The following CAMK2A variants were observed in gnomAD, a reference collection of about 807,000 sequenced individuals.
The protein encoded by CAMK2A is calcium/calmodulin dependent protein kinase II alpha.
CAMK2A carries 7 observed loss-of-function variants against 79.2 expected under a neutral mutation model. That is an observed-to-expected ratio of 0.09 (90% CI 0.05 to 0.17). The LOEUF (loss-of-function observed/expected upper bound fraction) is 0.17. CAMK2A is among the 10% of genes least tolerant of loss of function. CAMK2A has a pLI of 1.00. For missense variants in CAMK2A, 214 were observed against 646.4 expected, an observed-to-expected ratio of 0.33 and a Z score of 7.25; for synonymous variants, 242 against 251.7, an observed-to-expected ratio of 0.96 and a Z score of 0.36.
At chr5:150,242,085 G>C (rs1204053532) in intron 13 of CAMK2A, among the ~76,000 whole-genome samples, 1 of 152,252 alleles carries the variant, frequency 6.6e-6, no homozygotes, top group Admixed American at 6.5e-5. Flanking sequence ...AACAGGGGCA[G>C]TGAGTGGGGC....
chr5:150,223,683 T>C lies in CAMK2A; in HGVS notation c.1238-466A>G, dbSNP rs1234208862. On this transcript the variant is annotated intron_variant, in intron 17 of 18. Transcript: ENST00000671881. The surrounding 1 kb of genome is among the most constrained non-coding windows in gnomAD (Gnocchi z 4.1). ...AGGGAGTGATGGGGACTGTGGCGAATAGAATGTCTTGTCCCACCTAAAGAG... is the reference window on the plus strand; with the variant it reads ...AGGGAGTGATGGGGACTGTGGCGAACAGAATGTCTTGTCCCACCTAAAGAG... Among the ~76,000 whole-genome samples the C allele has an allele frequency of 1.3e-5, 2 of 152,174 alleles. No individual in the cohort carries two copies.
intron 1 of CAMK2A, among the ~76,000 whole-genome samples, chr5:150,278,114 T>C (rs1757030654): frequency 1.3e-5 from 2 of 152,156 alleles, no homozygotes; most frequent in Non-Finnish European, 2.9e-5. Flanking sequence ...AGGGCAATAA[T>C]AGCCTCTACC....
intron 2 of CAMK2A, among the ~76,000 whole-genome samples, chr5:150,268,468 T>C (rs575950809): frequency 2.7e-4 from 41 of 152,314 alleles, no homozygotes; most frequent in African/African-American, 9.9e-4. Flanking sequence ...GGCTGCCTTT[T>C]CTAAGCATGT....
At chr5:150,230,387 A>C (rs1754792185) in intron 16 of CAMK2A, among the ~76,000 whole-genome samples, 1 of 152,090 alleles carries the variant, frequency 6.6e-6, no homozygotes, top group African/African-American at 2.4e-5. Context: ...TTTGAGAGGC[A>C]AACTTCAGCT....
At chr5:150,269,350 C>T (rs1040915762) in intron 2 of CAMK2A, among the ~76,000 whole-genome samples, 1 of 151,986 alleles carries the variant, frequency 6.6e-6, no homozygotes, top group Non-Finnish European at 1.5e-5. Context: ...CCAGACAGTC[C>T]CAGCAGGGTG....
chr5:150,224,590 C>T (rs776081430), intron 17 of CAMK2A, among the ~76,000 whole-genome samples: 5 of 152,094 alleles, frequency 3.3e-5, no homozygotes, highest in Non-Finnish European at 7.4e-5. Context: ...AAGTCTTAGG[C>T]ACCATAGAAT....
At chr5:150,245,060 C>A (rs1580915216) in intron 13 of CAMK2A, 101 bp downstream of exon 13, 2 of 1,196,864 alleles carry the variant, frequency 1.7e-6, no homozygotes, top group East Asian at 4.7e-5. Flanking sequence ...GCCCAGGACA[C>A]CATCAGCAAG....
intron 3 of CAMK2A, among the ~76,000 whole-genome samples, chr5:150,257,869 C>T (rs1408957508): frequency 1.3e-5 from 2 of 152,194 alleles, no homozygotes; most frequent in Admixed American, 6.5e-5. Context: ...CAGAGTTTAG[C>T]GCCCTCCCCT....
At position 150,222,428 on chromosome 5, in the gene CAMK2A, G is replaced by A. The variant is rs1754360349; in HGVS notation, c.*282C>T. The A allele has an allele frequency of 2.9e-6, 2 of 686,278 alleles. No homozygotes were observed. The highest frequency in any genetic ancestry group is 5.3e-6 in the Non-Finnish European group (2 of 376,218). The allele number at this position is 686,278 out of a possible 1,614,324, so 42.5% of individuals were successfully genotyped here. Reference sequence around the variant, plus strand: ...GATCAGGCGGACAGCAGCTGAGGCTGGGGAGAGGGGGCCAGTGCTGTGGAC... The same window carrying A: ...GATCAGGCGGACAGCAGCTGAGGCTAGGGAGAGGGGGCCAGTGCTGTGGAC... On this transcript the variant is annotated 3_prime_UTR_variant, in exon 19 of 19. Coordinates refer to ENST00000671881, the MANE Select transcript of CAMK2A (RefSeq NM_015981.4).
intron 15 of CAMK2A, among the ~76,000 whole-genome samples, chr5:150,234,364 AT>A (rs1299778534): frequency 6.6e-6 from 1 of 152,128 alleles, no homozygotes; most frequent in East Asian, 1.9e-4. Flanking sequence ...CTGGCTTTGG[AT>A]TCTGGCTATG....
intron 15 of CAMK2A, among the ~76,000 whole-genome samples, chr5:150,237,724 C>A (rs554757290): frequency 6.6e-6 from 1 of 152,360 alleles, no homozygotes; most frequent in African/African-American, 2.4e-5. Context: ...GCAGCACCTA[C>A]TTCATGGGCT....
chr5:150,261,754 TCTTAC>T (rs1756314893), intron 3 of CAMK2A, among the ~76,000 whole-genome samples: 1 of 152,192 alleles, frequency 6.6e-6, no homozygotes, highest in African/African-American at 2.4e-5. Flanking sequence ...CAGATCCACC[TCTTAC>T]AAGCTATGTA....
intron 15 of CAMK2A, among the ~76,000 whole-genome samples, chr5:150,237,296 T>C (rs535044976): frequency 1.2e-4 from 19 of 152,276 alleles, no homozygotes; most frequent in Middle Eastern, 3.4e-3. Context: ...ATCTCTGTTT[T>C]CTAAGGCAAA....
intron 1 of CAMK2A, among the ~76,000 whole-genome samples, chr5:150,279,325 T>C (rs1331850374): frequency 6.6e-6 from 1 of 152,224 alleles, no homozygotes; most frequent in East Asian, 1.9e-4. Context: ...CAGGCACTCC[T>C]GAATCAGACC....
chr5:150,247,638 C>T, intron 12 of CAMK2A, 134 bp downstream of exon 12: 1 of 676,660 alleles, frequency 1.5e-6, no homozygotes, highest in Non-Finnish European at 2.5e-6. Context: ...TGAGCTAAGC[C>T]CTTAGTCACA....
intron 18 of CAMK2A, 41 bp downstream of exon 18, chr5:150,222,948 C>A (rs1397981137): frequency 6.3e-7 from 1 of 1,575,504 alleles, no homozygotes; most frequent in Non-Finnish European, 8.7e-7. Context: ...ACACTCCCAT[C>A]CTTTACATTA....
At position 150,281,208 on chromosome 5, in the gene CAMK2A, A is replaced by G. The variant is rs114051540; in HGVS notation, c.63-8049T>C. ...CCCAAAATTTCCCCACTCTTGGTTA[A>G]GATACTTAAGCATTTCACTTCTCTG... On this transcript the variant is annotated intron_variant, in intron 1 of 18. Transcript: ENST00000671881. 7.0e-3 allele frequency among the ~76,000 whole-genome samples: 1,064 copies of G among 152,366 alleles called. 12 individuals are homozygous for G. Among genetic ancestry groups the G allele is most frequent in the African/African-American group, 0.024 (1,013 of 41,594 alleles).
Position 150,221,700 on chromosome 5 carries a change from C to T in CAMK2A, c.*1010G>A. ...GAGGCCCTTCTCCCCGGAGCTGAGT[C>T]CACCTTGGCCCCAATAACCACAGGT... On this transcript the variant is annotated 3_prime_UTR_variant, in exon 19 of 19. Transcript: ENST00000671881. 2.5e-6 allele frequency: 1 copy of T among 395,788 alleles called. No homozygotes were observed. Among genetic ancestry groups the T allele is most frequent in the Non-Finnish European group, 4.4e-6 (1 of 225,018 alleles). The allele number at this position is 395,788 out of a possible 1,614,324, so 24.5% of individuals were successfully genotyped here. A position where few individuals can be genotyped will look rare whatever the true frequency, so the allele number is the denominator to read the frequency against.
intron 17 of CAMK2A, among the ~76,000 whole-genome samples, chr5:150,227,988 A>T (rs1272219412): frequency 6.6e-6 from 1 of 152,074 alleles, no homozygotes; most frequent in East Asian, 1.9e-4. Context: ...CCCCATCTTC[A>T]ACCACAGGAG....
Sources: gnomAD v4.1 joint callset for allele counts (sites outside exome capture counted in the v4.1 genomes callset) on GRCh38, gnomAD v4.1.1 for gene constraint, Gnocchi (gnomAD v3.1) non-coding constraint, MANE v1.5 for transcripts, NCBI Gene and HGNC (gene_info 2026-07-23, HGNC 2026-07-21) for gene names.